Variants in TMEM168 observed in about 807,000 individuals in gnomAD.
TMEM168 encodes the protein transmembrane protein 168.
A neutral mutation model predicts 53.2 loss-of-function variants in TMEM168; 40 were observed. The ratio of observed to expected loss-of-function variants is 0.75; its 90% CI spans 0.58 to 0.98. TMEM168 has a LOEUF of 0.98. Among genes scored for constraint, TMEM168 ranks in the 50% least tolerant of loss-of-function variants. The probability of loss-of-function intolerance (pLI) is 0.00; values close to 1 mark genes in which losing one functional copy is unlikely to be tolerated. For missense variants in TMEM168, 771 were observed against 828.8 expected, an observed-to-expected ratio of 0.93 and a Z score of 0.86; for synonymous variants, 282 against 293.0, an observed-to-expected ratio of 0.96 and a Z score of 0.38.
Position 112,784,476 on chromosome 7 carries a change from T to A in TMEM168, c.350A>T (p.Asp117Val), listed in dbSNP as rs1400190686. 6.2e-7 allele frequency: 1 copy of A among 1,614,092 alleles called. No homozygotes were observed. The highest frequency in any genetic ancestry group is 1.1e-5 in the South Asian group (1 of 91,052). ...ATATTTGGTTGATTCTTCTTTTACA[T>A]CATTTTTAAAGGATGAATTATCAAG... ...CFLDNSSFKN[D>V]VKEESTKYLL... Residue 117 changes from aspartate to valine, a missense_variant, in exon 2 of 5, where the codon GAT becomes GTT. By Grantham distance (152) the Asp-to-Val change is radical. Coordinates refer to ENST00000312814, the MANE Select transcript of TMEM168 (RefSeq NM_022484.6).
chr7:112,773,337 C>T (rs1792981552), intron 3 of TMEM168, among the ~76,000 whole-genome samples: 1 of 151,818 alleles, frequency 6.6e-6, no homozygotes, highest in East Asian at 1.9e-4. Flanking sequence ...GTTCCTTATT[C>T]GTATTTTCTT....
At chr7:112,785,651 A>G (rs1215152663) in intron 1 of TMEM168, among the ~76,000 whole-genome samples, 9 of 152,218 alleles carry the variant, frequency 5.9e-5, no homozygotes, top group Non-Finnish European at 1.3e-4. Flanking sequence ...GTCAAAAATG[A>G]AAAACTGAAA....
At position 112,784,884 on chromosome 7, in the gene TMEM168, C is replaced by T. The variant is rs548991436; in HGVS notation, c.-59G>A. 5 of 1,446,998 alleles carry T rather than the reference C, an allele frequency of 3.5e-6. No homozygotes were observed. The African/African-American group carries it at 5.7e-5, about 16-fold the overall frequency. 89.6% of individuals were successfully genotyped at this position (1,446,998 alleles called of 1,614,324 possible). A position where few individuals can be genotyped will look rare whatever the true frequency, so the allele number is the denominator to read the frequency against. ...CAAAAATTAACCGCTTGTATTTCAT[C>T]CAGTATATCCAATGTATCCGCAACT... is the stretch of plus-strand genomic sequence containing the variant. On this transcript the variant is annotated 5_prime_UTR_variant, in exon 2 of 5. Transcript: ENST00000312814.
At chr7:112,778,181 C>T (rs992922569) in intron 2 of TMEM168, 18 of 152,134 alleles carry the variant, frequency 1.2e-4, no homozygotes, top group African/African-American at 4.1e-4. Flanking sequence ...TGGCTCCACC[C>T]TCTTCTTTCA....
rs139778071 is a variant in TMEM168 at position 112,772,226 on chromosome 7, G to A, written c.1546+555C>T. ...TTTGTACCTTAGAATAAAACTCAAT[G>A]GTCATTTACAATTACCCCCTTATTT... On this transcript the variant is annotated intron_variant, in intron 4 of 4. Transcript: ENST00000312814. Among the ~76,000 whole-genome samples the A allele has an allele frequency of 8.4e-3, 1,279 of 152,138 alleles. 7 individuals are homozygous for A. Among genetic ancestry groups the A allele is most frequent in the Non-Finnish European group, 0.014 (973 of 67,988 alleles).
Position 112,783,963 on chromosome 7 carries a change from G to C in TMEM168, c.863C>G (p.Thr288Ser). 2.5e-6 allele frequency: 4 copies of C among 1,612,272 alleles called. No individual in the cohort carries two copies. Among genetic ancestry groups the C allele is most frequent in the East Asian group, 4.5e-5 (2 of 44,848 alleles). The stretch of plus-strand genomic sequence containing the variant: ...AGGTATTACAAAATACCAGAGGTGA[G>C]TGTCTCTAAGTTTGAATGCGGAAAG... Reference protein sequence around the residue: ...FILSAFKLRDTHLWYFVIPGF... With the variant: ...FILSAFKLRDSHLWYFVIPGF... Residue 288 changes from threonine to serine, a missense_variant, in exon 2 of 5, where the codon ACT (threonine) becomes AGT (serine). Coordinates refer to ENST00000312814, the MANE Select transcript of TMEM168 (RefSeq NM_022484.6).
rs574126478 is a variant in TMEM168, at chr7:112,790,296, G to T, written c.-265C>A. On this transcript the variant is annotated 5_prime_UTR_variant, in exon 1 of 5. Coordinates refer to ENST00000312814, the MANE Select transcript of TMEM168 (RefSeq NM_022484.6). ...AGGCGGCACGCCTTGGGGAACGAGGGCCCGAGGCCATACGCGCTAATACAG... is the reference window on the plus strand; with the variant it reads ...AGGCGGCACGCCTTGGGGAACGAGGTCCCGAGGCCATACGCGCTAATACAG... 7 of 152,564 alleles carry T rather than the reference G, an allele frequency of 4.6e-5. No homozygotes were observed. The highest frequency in any genetic ancestry group is 1.7e-4 in the African/African-American group (7 of 41,602). The allele number at this position is 152,564 out of a possible 1,614,324, so 9.5% of individuals were successfully genotyped here.
At position 112,767,143 on chromosome 7, in the gene TMEM168, T is replaced by A; in HGVS notation, c.*54A>T. ...AATACAGCATACAAAAAATGGCAAG[T>A]TAGTGATAATTGGTAGTATGAGTGC... On this transcript the variant is annotated 3_prime_UTR_variant, in exon 5 of 5. Coordinates refer to ENST00000312814, the MANE Select transcript of TMEM168 (RefSeq NM_022484.6). 6.6e-7 allele frequency: 1 copy of A among 1,508,974 alleles called. No individual in the cohort carries two copies. Among genetic ancestry groups the A allele is most frequent in the Non-Finnish European group, 8.9e-7 (1 of 1,123,398 alleles). The allele number at this position is 1,508,974 out of a possible 1,614,324, so 93.5% of individuals were successfully genotyped here. A position where few individuals can be genotyped will look rare whatever the true frequency, so the allele number is the denominator to read the frequency against.
intron 1 of TMEM168, among the ~76,000 whole-genome samples, chr7:112,787,170 C>T (rs1793404966): frequency 6.6e-6 from 1 of 152,130 alleles, no homozygotes; most frequent in African/African-American, 2.4e-5. Flanking sequence ...AAAACAAAAA[C>T]AATCCTTGCT....
In TMEM168 at chr7:112,762,863, A is replaced by C. The variant is rs138732802; in HGVS notation, c.*4334T>G. 14 of 152,082 alleles carry C rather than the reference A, an allele frequency of 9.2e-5. No homozygotes were observed. Among genetic ancestry groups the C allele is most frequent in the Non-Finnish European group, 1.8e-4 (12 of 67,922 alleles). 9.4% of individuals were successfully genotyped at this position (152,082 alleles called of 1,614,324 possible). A position where few individuals can be genotyped will look rare whatever the true frequency, so the allele number is the denominator to read the frequency against. On this transcript the variant is annotated 3_prime_UTR_variant, in exon 5 of 5. Transcript: ENST00000312814. ...TTTTATATTGTTTCTATGTGTTATA[A>C]TTAGTGAATAGGTAAGACAATATAA...
At position 112,765,554 on chromosome 7, in the gene TMEM168, C is replaced by T. The variant is rs1032097997; in HGVS notation, c.*1643G>A. 8 of 152,200 alleles carry T rather than the reference C, an allele frequency of 5.3e-5. No homozygotes were observed. Among genetic ancestry groups the T allele is most frequent in the African/African-American group, 1.7e-4 (7 of 41,552 alleles). The allele number at this position is 152,200 out of a possible 1,614,324, so 9.4% of individuals were successfully genotyped here. On this transcript the variant is annotated 3_prime_UTR_variant, in exon 5 of 5. Coordinates refer to ENST00000312814, the MANE Select transcript of TMEM168 (RefSeq NM_022484.6). ...AACATTTGGCTTTTCTACTACCCTACTGCTGAACAGAGCAATAAAAAAAAC... is the reference window on the plus strand; with the variant it reads ...AACATTTGGCTTTTCTACTACCCTATTGCTGAACAGAGCAATAAAAAAAAC...
At chr7:112,789,838 A>C (rs1392689511) in intron 1 of TMEM168, among the ~76,000 whole-genome samples, 1 of 152,242 alleles carries the variant, frequency 6.6e-6, no homozygotes, top group Non-Finnish European at 1.5e-5. Context: ...TAGAGCAGCA[A>C]CAGCAATTTC....
intron 1 of TMEM168, among the ~76,000 whole-genome samples, chr7:112,785,639 G>A (rs1035556352): frequency 6.6e-6 from 1 of 151,946 alleles, no homozygotes; most frequent in African/African-American, 2.4e-5. Context: ...GACAAATTCC[G>A]AGTCAAAAAT....
intron 1 of TMEM168, among the ~76,000 whole-genome samples, chr7:112,787,054 A>G (rs1793401760): frequency 1.3e-5 from 2 of 152,164 alleles, no homozygotes; most frequent in African/African-American, 4.8e-5. Context: ...CTAGAACATC[A>G]GACTCTCTCC....
intron 3 of TMEM168, among the ~76,000 whole-genome samples, chr7:112,773,264 T>C (rs1562862727): frequency 6.6e-6 from 1 of 152,138 alleles, no homozygotes; most frequent in Non-Finnish European, 1.5e-5. Flanking sequence ...TTTACTATCA[T>C]TAAAACAATA....
rs760424375 is a variant in TMEM168, at chr7:112,784,533, C to G, written c.293G>C (p.Trp98Ser). ...EAASLSLSNL[W>S]FGFLLGLLCF... ...TAGGAGGCCAAGCAAGAATCCAAAC[C>G]AAAGATTGGAGAGACTTAAACTTGC... Residue 98 changes from tryptophan to serine, a missense_variant, in exon 2 of 5, where the codon TGG (tryptophan) becomes TCG (serine). By Grantham distance (177) the Trp-to-Ser change is radical. Coordinates refer to ENST00000312814, the MANE Select transcript of TMEM168 (RefSeq NM_022484.6). The G allele has an allele frequency of 1.2e-6, 2 of 1,614,008 alleles. No homozygotes were observed. The highest frequency in any genetic ancestry group is 1.7e-6 in the Non-Finnish European group (2 of 1,179,988).
intron 1 of TMEM168, among the ~76,000 whole-genome samples, chr7:112,787,051 A>G (rs1793401597): frequency 6.6e-6 from 1 of 152,212 alleles, no homozygotes; most frequent in Non-Finnish European, 1.5e-5. Context: ...CTTCTAGAAC[A>G]TCAGACTCTC....
intron 2 of TMEM168, among the ~76,000 whole-genome samples, chr7:112,775,916 C>T (rs914787300): frequency 9.3e-5 from 14 of 150,594 alleles, no homozygotes; most frequent in East Asian, 3.9e-4. Context: ...ATTGAGGACA[C>T]GTAAGCATTG....
At chr7:112,770,576 G>A (rs1273553313) in intron 4 of TMEM168, among the ~76,000 whole-genome samples, 1 of 149,502 alleles carries the variant, frequency 6.7e-6, no homozygotes, top group Non-Finnish European at 1.5e-5. Flanking sequence ...AACAGTGAAT[G>A]AAAATTTAGA....
Sources: allele counts gnomAD v4.1 joint callset (sites outside exome capture counted in the v4.1 genomes callset), GRCh38; gene constraint gnomAD v4.1.1; transcripts MANE v1.5; gene names NCBI Gene and HGNC (gene_info 2026-07-23, HGNC 2026-07-21).